Variants in CDC42EP3 observed in about 807,000 individuals in gnomAD.
CDC42EP3 encodes CDC42 effector protein 3.
A neutral mutation model predicts 15.5 loss-of-function variants in CDC42EP3; 4 were observed. That is an observed-to-expected ratio of 0.26 (90% CI 0.13 to 0.59). The LOEUF is 0.59. CDC42EP3 is among the 20% of genes least tolerant of loss of function. The pLI is 0.89. For synonymous variants in CDC42EP3, 145 were observed against 130.3 expected (o/e 1.11, Z -0.77); for missense variants, 309 against 311.2 (o/e 0.99, Z 0.05).
At chr2:37,672,565 C>G (rs1222919732), upstream of CDC42EP3, 2 of 152,286 alleles carry the variant, frequency 1.3e-5, no homozygotes, top group Non-Finnish European at 2.9e-5. Flanking sequence ...TCCCCTCCGC[C>G]GGGGCCGGAG....
intron 1 of CDC42EP3, among the ~76,000 whole-genome samples, chr2:37,667,021 C>G (rs1179912019): frequency 6.6e-6 from 1 of 152,128 alleles, no homozygotes; most frequent in Admixed American, 6.5e-5. Context: ...TTTCCAGAAC[C>G]CTGTTTCCAT....
In CDC42EP3 at chr2:37,646,619, G is replaced by C; in HGVS notation, c.-32C>G. On this transcript the variant is annotated 5_prime_UTR_variant, in exon 2 of 2. Coordinates refer to ENST00000295324, the MANE Select transcript of CDC42EP3 (RefSeq NM_006449.5). ...ATTTGAGAATGTCTATTTTGCAAGC[G>C]GGAGAAAGGGCCACTTTCTTCACAG... 5.9e-6 allele frequency: 9 copies of C among 1,515,174 alleles called. No individual in the cohort carries two copies. Among genetic ancestry groups the C allele is most frequent in the Non-Finnish European group, 7.9e-6 (9 of 1,133,732 alleles). 93.9% of individuals were successfully genotyped at this position (1,515,174 alleles called of 1,614,324 possible).
Position 37,644,596 on chromosome 2 carries a change from A to C in CDC42EP3, c.*1227T>G, listed in dbSNP as rs897376959. ...GTCAGGAAGATGCTCAGAAATGACC[A>C]CTGAGAGGGTGGCATCAGTGCTGAC... On this transcript the variant is annotated 3_prime_UTR_variant, in exon 2 of 2. Coordinates refer to ENST00000295324, the MANE Select transcript of CDC42EP3 (RefSeq NM_006449.5). 17 of 151,132 alleles carry C rather than the reference A, an allele frequency of 1.1e-4. 1 individual carries two copies. The highest frequency in any genetic ancestry group is 3.9e-4 in the African/African-American group (16 of 40,990). 9.4% of individuals were successfully genotyped at this position (151,132 alleles called of 1,614,324 possible). A position where few individuals can be genotyped will look rare whatever the true frequency, so the allele number is the denominator to read the frequency against.
chr2:37,658,483 T>C (rs181999470), intron 1 of CDC42EP3, among the ~76,000 whole-genome samples: 7 of 152,266 alleles, frequency 4.6e-5, no homozygotes, highest in South Asian at 4.1e-4. Flanking sequence ...TTGAAAAGCA[T>C]TGATTGGCCT....
intron 1 of CDC42EP3, among the ~76,000 whole-genome samples, chr2:37,671,049 C>T (rs1337015962): frequency 1.3e-5 from 2 of 152,238 alleles, no homozygotes; most frequent in Admixed American, 6.5e-5. Context: ...ATGTGCGGCC[C>T]TGGTACCAAT....
In CDC42EP3 at chr2:37,644,724, A is replaced by G. The variant is rs1314849287; in HGVS notation, c.*1099T>C. The G allele has an allele frequency of 1.3e-5, 2 of 152,126 alleles. No individual in the cohort carries two copies. The highest frequency in any genetic ancestry group is 4.8e-5 in the African/African-American group (2 of 41,404). 9.4% of individuals were successfully genotyped at this position (152,126 alleles called of 1,614,324 possible). A position where few individuals can be genotyped will look rare whatever the true frequency, so the allele number is the denominator to read the frequency against. On this transcript the variant is annotated 3_prime_UTR_variant, in exon 2 of 2. Transcript: ENST00000295324. Reference sequence around the variant, plus strand: ...ACCATAAGGAAGTAATCAAAATGAGAGTAGATGGAAATCATCTCTTACCTT... The same window carrying G: ...ACCATAAGGAAGTAATCAAAATGAGGGTAGATGGAAATCATCTCTTACCTT...
chr2:37,650,456 A>T (rs999088193), intron 1 of CDC42EP3, among the ~76,000 whole-genome samples: 1 of 152,218 alleles, frequency 6.6e-6, no homozygotes, highest in African/African-American at 2.4e-5. Flanking sequence ...TACCAGCAGC[A>T]CTTGATACAA....
At chr2:37,655,298 C>G (rs903914981) in intron 1 of CDC42EP3, among the ~76,000 whole-genome samples, 3 of 152,186 alleles carry the variant, frequency 2.0e-5, no homozygotes. Flanking sequence ...TCAGCTACAG[C>G]TTGAATTTAT....
intron 1 of CDC42EP3, among the ~76,000 whole-genome samples, chr2:37,668,020 C>A (rs1666297921): frequency 6.6e-6 from 1 of 152,076 alleles, no homozygotes; most frequent in African/African-American, 2.4e-5. Context: ...GTACTGAACC[C>A]CATATATACT....
intron 1 of CDC42EP3, among the ~76,000 whole-genome samples, chr2:37,654,330 T>C (rs1228388682): frequency 6.6e-6 from 1 of 152,058 alleles, no homozygotes; most frequent in African/African-American, 2.4e-5. Context: ...GATTAGGACA[T>C]GTGAGAAGAG....
intron 1 of CDC42EP3, among the ~76,000 whole-genome samples, chr2:37,664,690 C>T (rs1333174576): frequency 6.6e-6 from 1 of 152,172 alleles, no homozygotes; most frequent in Non-Finnish European, 1.5e-5. Flanking sequence ...AGATGAATGA[C>T]AAGATAAATG....
intron 1 of CDC42EP3, among the ~76,000 whole-genome samples, chr2:37,662,999 T>C (rs1352867019): frequency 6.6e-6 from 1 of 152,158 alleles, no homozygotes; most frequent in Non-Finnish European, 1.5e-5. Flanking sequence ...AGCCAGTCTC[T>C]ACTAAAGATA....
chr2:37,670,008 A>AG (rs1215880557), intron 1 of CDC42EP3, among the ~76,000 whole-genome samples: 1 of 152,196 alleles, frequency 6.6e-6, no homozygotes, highest in Admixed American at 6.5e-5. Context: ...CACAAATTGC[A>AG]GGGGGTATGA....
intron 1 of CDC42EP3, among the ~76,000 whole-genome samples, chr2:37,670,948 T>G (rs1333859720): frequency 6.6e-6 from 1 of 150,556 alleles, no homozygotes; most frequent in Non-Finnish European, 1.5e-5. Context: ...TATCCAGATC[T>G]GCAGGTTGGC....
At chr2:37,648,484 C>G (rs1469761158) in intron 1 of CDC42EP3, among the ~76,000 whole-genome samples, 2 of 152,338 alleles carry the variant, frequency 1.3e-5, no homozygotes, top group East Asian at 3.9e-4. Context: ...ACAGCTAACT[C>G]AATTTGGGAA....
chr2:37,645,673 G>T lies in CDC42EP3; in HGVS notation c.*150C>A. 1 of 655,740 alleles carries T rather than the reference G, an allele frequency of 1.5e-6. No individual in the cohort carries two copies. The highest frequency in any genetic ancestry group is 2.5e-6 in the Non-Finnish European group (1 of 404,426). The allele number at this position is 655,740 out of a possible 1,614,324, so 40.6% of individuals were successfully genotyped here. On this transcript the variant is annotated 3_prime_UTR_variant, in exon 2 of 2. Transcript: ENST00000295324. ...TTTTTCTAAATTGTTTTTGCAAACAGGGCATAACAGGTAAAAAAATACTTT... is the reference window on the plus strand; with the variant it reads ...TTTTTCTAAATTGTTTTTGCAAACATGGCATAACAGGTAAAAAAATACTTT...
intron 1 of CDC42EP3, among the ~76,000 whole-genome samples, chr2:37,671,116 T>C (rs1352675790): frequency 1.3e-5 from 2 of 152,218 alleles, no homozygotes; most frequent in Admixed American, 6.5e-5. Flanking sequence ...GGAAAAATGC[T>C]ATACGCGCCC....
intron 1 of CDC42EP3, among the ~76,000 whole-genome samples, chr2:37,660,407 T>C (rs761055394): frequency 1.3e-5 from 2 of 152,182 alleles, no homozygotes; most frequent in Non-Finnish European, 2.9e-5. Context: ...TTATCTTCAG[T>C]TGGGGCTCTT....
intron 1 of CDC42EP3, among the ~76,000 whole-genome samples, chr2:37,654,223 C>T (rs1665777823): frequency 6.6e-6 from 1 of 152,096 alleles, no homozygotes; most frequent in Non-Finnish European, 1.5e-5. Flanking sequence ...GCGCCCAGAA[C>T]ATGATCCTAG....
Sources: gnomAD v4.1 joint callset for allele counts (sites outside exome capture counted in the v4.1 genomes callset) on GRCh38, gnomAD v4.1.1 for gene constraint, MANE v1.5 for transcripts, NCBI Gene and HGNC (gene_info 2026-07-23, HGNC 2026-07-21) for gene names.